Variants in ST6GAL1 observed in about 807,000 individuals in gnomAD.
The protein encoded by ST6GAL1 is beta-galactoside alpha-2,6-sialyltransferase 1.
In ST6GAL1, 20 loss-of-function variants were observed where a neutral mutation model predicts 38.0. The observed-to-expected ratio is 0.53, with a 90% confidence interval of 0.37 to 0.77. The LOEUF is 0.77. Among genes scored for constraint, ST6GAL1 ranks in the 30% least tolerant of loss-of-function variants. The pLI, the probability that ST6GAL1 is intolerant of heterozygous loss-of-function variation, is 0.00. For missense variants in ST6GAL1, 432 were observed against 496.4 expected (o/e 0.87, Z 1.23); for synonymous variants, 196 against 188.2 (o/e 1.04, Z -0.34).
chr3:187,032,544 T>C (rs899037783), intron 2 of ST6GAL1, among the ~76,000 whole-genome samples: 1 of 152,114 alleles, frequency 6.6e-6, no homozygotes, highest in Admixed American at 6.6e-5. Context: ...CTAGAGATAC[T>C]CCCTGGAAAT....
intron 1 of ST6GAL1, among the ~76,000 whole-genome samples, chr3:186,941,529 G>A (rs1391972567): frequency 6.6e-6 from 1 of 152,074 alleles, no homozygotes; most frequent in Non-Finnish European, 1.5e-5. Flanking sequence ...TCATGCGGAA[G>A]AAATCACACT....
chr3:186,959,552 A>G (rs998948104), intron 1 of ST6GAL1, among the ~76,000 whole-genome samples: 1 of 152,232 alleles, frequency 6.6e-6, no homozygotes, highest in African/African-American at 2.4e-5. Context: ...AGGAACATTT[A>G]TGGTGAATAT....
chr3:186,975,088 C>T (rs1416378122), intron 2 of ST6GAL1: 1 of 152,540 alleles, frequency 6.6e-6, no homozygotes, highest in African/African-American at 2.4e-5. Context: ...AAAGATTTGA[C>T]AGGTGAAATT....
chr3:187,008,205 T>A (rs1232757038), intron 2 of ST6GAL1, among the ~76,000 whole-genome samples: 2 of 152,022 alleles, frequency 1.3e-5, no homozygotes, highest in Non-Finnish European at 2.9e-5. Context: ...ACAGGATACA[T>A]TTAATAACAA....
At chr3:187,066,087 G>A (rs1359889932) in intron 5 of ST6GAL1, among the ~76,000 whole-genome samples, 1 of 149,668 alleles carries the variant, frequency 6.7e-6, no homozygotes, top group Non-Finnish European at 1.5e-5. Context: ...GGGCGGGTGG[G>A]AGGTGGGCGA....
At chr3:186,939,677 G>C (rs984845630) in intron 1 of ST6GAL1, among the ~76,000 whole-genome samples, 6 of 152,210 alleles carry the variant, frequency 3.9e-5, no homozygotes, top group African/African-American at 1.4e-4. Flanking sequence ...TCCATATGCA[G>C]TTTAGGTCCC....
In ST6GAL1 at chr3:186,980,726, A is replaced by AC. The variant is rs544246326; in HGVS notation, c.-183+16804dup. 5.7e-3 allele frequency among the ~76,000 whole-genome samples: 837 copies of AC among 147,098 alleles called. 2 individuals carry two copies. The highest frequency in any genetic ancestry group is 0.01 in the Non-Finnish European group (677 of 67,124). ...GGAGGTGGAGGTTGCAGTGAGGATC[A>AC]CCCCACTGCACACCAGCCTGGGTGA... is the stretch of plus-strand genomic sequence containing the variant. On this transcript the variant is annotated intron_variant, in intron 2 of 7. Coordinates refer to ENST00000169298, the MANE Select transcript of ST6GAL1 (RefSeq NM_173216.2).
In ST6GAL1 at chr3:187,076,088, C is replaced by G. The variant is rs1719552225; in HGVS notation, c.*285C>G. ...TCCCCGCCTTCCACCTTGGTAGATG[C>G]AAGGTCTATCTCTCCCATCAGGGCT... On this transcript the variant is annotated 3_prime_UTR_variant, in exon 8 of 8. Transcript: ENST00000169298. The G allele has an allele frequency of 2.5e-6, 1 of 405,400 alleles. No individual in the cohort carries two copies. The highest frequency in any genetic ancestry group is 3.5e-5 in the South Asian group (1 of 28,940). The allele number at this position is 405,400 out of a possible 1,614,324, so 25.1% of individuals were successfully genotyped here. A position where few individuals can be genotyped will look rare whatever the true frequency, so the allele number is the denominator to read the frequency against.
At chr3:187,043,391 C>T in intron 4 of ST6GAL1, 81 bp downstream of exon 4, 1 of 1,537,202 alleles carries the variant, frequency 6.5e-7, no homozygotes, top group South Asian at 1.3e-5. Context: ...GACAAGTGGC[C>T]CAAGTGTGGC....
intron 4 of ST6GAL1, 41 bp downstream of exon 4, chr3:187,043,351 G>A (rs911738449): frequency 2.5e-6 from 4 of 1,579,894 alleles, no homozygotes; most frequent in Non-Finnish European, 3.4e-6. Context: ...GTGCTTATTG[G>A]GACTGGCTGG....
At chr3:187,047,896 C>T (rs529421633) in intron 4 of ST6GAL1, among the ~76,000 whole-genome samples, 1 of 151,428 alleles carries the variant, frequency 6.6e-6, no homozygotes, top group South Asian at 2.1e-4. Flanking sequence ...TTAGAATATC[C>T]ATCTCCTCAA....
intron 2 of ST6GAL1, among the ~76,000 whole-genome samples, chr3:187,023,100 G>A (rs1375860260): frequency 6.6e-6 from 1 of 152,128 alleles, no homozygotes; most frequent in Non-Finnish European, 1.5e-5. Flanking sequence ...AGGTTTCTCT[G>A]GGGTGCCCAT....
intron 2 of ST6GAL1, among the ~76,000 whole-genome samples, chr3:187,030,621 A>G (rs1160326950): frequency 3.7e-4 from 56 of 151,998 alleles, no homozygotes; most frequent in Non-Finnish European, 1.3e-4. Flanking sequence ...TTTAGGAAAG[A>G]TGAGGTTTCA....
At chr3:186,988,683 T>TG (rs1216003637) in intron 2 of ST6GAL1, among the ~76,000 whole-genome samples, 3 of 150,798 alleles carry the variant, frequency 2.0e-5, no homozygotes, top group Non-Finnish European at 4.4e-5. Flanking sequence ...GAGGCTGAGG[T>TG]GGGGGGAATC....
intron 2 of ST6GAL1, among the ~76,000 whole-genome samples, chr3:187,011,188 A>G (rs934922686): frequency 6.6e-6 from 1 of 152,106 alleles, no homozygotes; most frequent in African/African-American, 2.4e-5. Flanking sequence ...TAGTAGGGAT[A>G]GGGTTTCACC....
At chr3:187,046,286 A>G (rs1718294355) in intron 4 of ST6GAL1, among the ~76,000 whole-genome samples, 1 of 152,200 alleles carries the variant, frequency 6.6e-6, no homozygotes, top group Admixed American at 6.5e-5. Flanking sequence ...CTAGCCTGGG[A>G]GCAGGCTGTA....
At chr3:186,983,479 G>T (rs1715761480) in intron 2 of ST6GAL1, among the ~76,000 whole-genome samples, 1 of 152,130 alleles carries the variant, frequency 6.6e-6, no homozygotes, top group South Asian at 2.1e-4. Context: ...CTGTTTATAG[G>T]ATTGCTCTAG....
intron 1 of ST6GAL1, among the ~76,000 whole-genome samples, chr3:186,933,590 T>C (rs1398104139): frequency 2.0e-5 from 3 of 152,184 alleles, no homozygotes; most frequent in Non-Finnish European, 4.4e-5. Context: ...TATAGTTTTC[T>C]CACCAGGACG....
At chr3:187,063,471 T>A (rs929979150) in intron 5 of ST6GAL1, among the ~76,000 whole-genome samples, 17 of 151,978 alleles carry the variant, frequency 1.1e-4, no homozygotes, top group African/African-American at 3.9e-4. Flanking sequence ...ATGAATGGAG[T>A]AGGATTTCCA....
Sources: gnomAD v4.1 joint callset for allele counts (sites outside exome capture counted in the v4.1 genomes callset) on GRCh38, gnomAD v4.1.1 for gene constraint, MANE v1.5 for transcripts, NCBI Gene and HGNC (gene_info 2026-07-23, HGNC 2026-07-21) for gene names.